Variants in EVI5 observed in about 807,000 individuals in gnomAD.
EVI5 encodes ecotropic viral integration site 5 protein homolog.
EVI5 carries 73 observed loss-of-function variants against 112.0 expected under a neutral mutation model. The ratio of observed to expected loss-of-function variants is 0.65; its 90% confidence interval spans 0.54 to 0.79. The LOEUF (loss-of-function observed/expected upper bound fraction) is 0.79, where lower values mean the gene tolerates loss of function less well. EVI5 is among the 30% of genes least tolerant of loss of function. EVI5 has a pLI of 0.00. For synonymous variants in EVI5, 305 were observed against 319.9 expected (o/e 0.95, Z 0.50); for missense variants, 900 against 968.8 (o/e 0.93, Z 0.94).
At chr1:92,685,048 A>T (rs777681335) in intron 9 of EVI5, among the ~76,000 whole-genome samples, 1 of 152,012 alleles carries the variant, frequency 6.6e-6, no homozygotes, top group Non-Finnish European at 1.5e-5. Flanking sequence ...CTCTGGACCA[A>T]GCAGACCTAC....
At chr1:92,752,657 G>A (rs1190621831) in intron 1 of EVI5, among the ~76,000 whole-genome samples, 1 of 152,036 alleles carries the variant, frequency 6.6e-6, no homozygotes, top group Non-Finnish European at 1.5e-5. Flanking sequence ...AGGGGCAGCG[G>A]TGCAGCACAG....
chr1:92,781,165 G>C (rs1250092313), intron 1 of EVI5, among the ~76,000 whole-genome samples: 1 of 151,836 alleles, frequency 6.6e-6, no homozygotes, highest in Non-Finnish European at 1.5e-5. Context: ...AGTGAATCTT[G>C]ACCCCTGCGA....
intron 18 of EVI5, among the ~76,000 whole-genome samples, chr1:92,598,115 C>A (rs1454692698): frequency 2.0e-5 from 3 of 151,998 alleles, no homozygotes; most frequent in Non-Finnish European, 4.4e-5. Context: ...GATCTTGAGA[C>A]CTTGTCTCCC....
intron 1 of EVI5, among the ~76,000 whole-genome samples, chr1:92,762,064 T>TA (rs576256365): frequency 6.6e-6 from 1 of 152,044 alleles, no homozygotes; most frequent in Non-Finnish European, 1.5e-5. Flanking sequence ...GTTGCAAAGA[T>TA]ACACAGAGCA....
intron 2 of EVI5, among the ~76,000 whole-genome samples, chr1:92,712,306 T>C (rs546689456): frequency 1.4e-4 from 21 of 152,248 alleles, no homozygotes; most frequent in Non-Finnish European, 2.5e-4. Context: ...GAAAGATACC[T>C]AAATGACAGG....
chr1:92,790,038 A>G (rs1262708822), upstream of EVI5, among the ~76,000 whole-genome samples: 2 of 152,188 alleles, frequency 1.3e-5, no homozygotes, highest in Non-Finnish European at 2.9e-5. Flanking sequence ...TAAGCCAGGC[A>G]TGGTGGCTCA....
In EVI5 at chr1:92,509,067, T is replaced by C. The variant is rs1023147626; in HGVS notation, c.*4589A>G. 2 of 152,240 alleles carry C rather than the reference T, an allele frequency of 1.3e-5. No homozygotes were observed. The highest frequency in any genetic ancestry group is 1.3e-4 in the Admixed American group (2 of 15,274). The allele number at this position is 152,240 out of a possible 1,614,324, so 9.4% of individuals were successfully genotyped here. On this transcript the variant is annotated 3_prime_UTR_variant, in exon 20 of 20. Coordinates refer to ENST00000684568, the MANE Select transcript of EVI5 (RefSeq NM_001350197.2). The stretch of plus-strand genomic sequence containing the variant: ...AGTAAATAACTGATTTCATGAAATG[T>C]TCGCTGTCAATGTCTGGTATGTTAA...
intron 1 of EVI5, among the ~76,000 whole-genome samples, chr1:92,765,411 A>C (rs35038369): frequency 0.2 from 30,642 of 150,850 alleles, 3,637 homozygotes; most frequent in Non-Finnish European, 0.26. Context: ...TATAGCTGCT[A>C]TTTATATTGA....
intron 15 of EVI5, 87 bp downstream of exon 15, chr1:92,625,707 T>C (rs1655518225): frequency 2.6e-6 from 3 of 1,147,768 alleles, no homozygotes; most frequent in Non-Finnish European, 3.9e-6. Flanking sequence ...TCATCTACTA[T>C]AGGTCATCAG....
rs532489179 is a variant in EVI5, at chr1:92,645,788, T to C, written c.1393-9452A>G. ...TCTAGTAAATGCTGATACTCCAAATTAATGTCTCTTATATCTAAATCCCCT... is the reference window on the plus strand; with the variant it reads ...TCTAGTAAATGCTGATACTCCAAATCAATGTCTCTTATATCTAAATCCCCT... On this transcript the variant is annotated intron_variant, in intron 13 of 19. Coordinates refer to ENST00000684568, the MANE Select transcript of EVI5 (RefSeq NM_001350197.2). 2.0e-5 allele frequency among the ~76,000 whole-genome samples: 3 copies of C among 152,320 alleles called. No individual in the cohort carries two copies. In the East Asian group the frequency reaches 5.8e-4, roughly 29 times the overall value.
chr1:92,745,140 T>C (rs1321323925), intron 1 of EVI5, among the ~76,000 whole-genome samples: 3 of 147,876 alleles, frequency 2.0e-5, no homozygotes, highest in East Asian at 4.0e-4. Flanking sequence ...GGTTTCACCA[T>C]GTTGCCCAGG....
intron 2 of EVI5, among the ~76,000 whole-genome samples, chr1:92,727,054 C>A (rs1399479471): frequency 6.6e-6 from 1 of 152,068 alleles, no homozygotes; most frequent in Admixed American, 6.6e-5. Context: ...ATGTAAATAA[C>A]CTATTTTCCT....
intron 19 of EVI5, 58 bp downstream of exon 19, chr1:92,563,559 AGTCTTATAACCAGTAATAAAGTGTT>A: frequency 1.6e-6 from 1 of 623,750 alleles, no homozygotes; most frequent in Non-Finnish European, 2.8e-6. Context: ...TGAAAGTGTC[AGTCTTATAACCAGTAATAAAGTGTT>A]GTTACAATAC....
At chr1:92,739,168 G>C (rs1346212833) in intron 1 of EVI5, among the ~76,000 whole-genome samples, 1 of 149,092 alleles carries the variant, frequency 6.7e-6, no homozygotes, top group Non-Finnish European at 1.5e-5. Context: ...AGCTACTCAG[G>C]AGTCTGAGGC....
Position 92,751,312 on chromosome 1 carries a change from T to C in EVI5, c.-81-14685A>G, listed in dbSNP as rs573599356. Among the ~76,000 whole-genome samples, 28 of 152,360 alleles carry C rather than the reference T, an allele frequency of 1.8e-4. No homozygotes were observed. In the Middle Eastern group the frequency reaches 0.017, roughly 93 times the overall value. On this transcript the variant is annotated intron_variant, in intron 1 of 19. Transcript: ENST00000684568. The stretch of plus-strand genomic sequence containing the variant: ...TTTTACTTTCCCTGGAGTTAATAAA[T>C]GTCTAATTGTTTAGCTTTATTTGTA...
intron 19 of EVI5, among the ~76,000 whole-genome samples, chr1:92,540,579 C>T (rs1165126093): frequency 1.3e-5 from 2 of 151,948 alleles, no homozygotes; most frequent in South Asian, 4.1e-4. Flanking sequence ...AGATACAGGC[C>T]CCTTATCAGG....
chr1:92,694,392 A>C lies in EVI5; in HGVS notation c.910-4T>G, dbSNP rs201316730. ...CACGAAACACTATTTCTAAACCCTG[A>C]GGAAACAAATTAAATAAATCCAAAT... On this transcript the variant is annotated splice_region_variant and splice_polypyrimidine_tract_variant and intron_variant, in intron 7 of 19. Coordinates refer to ENST00000684568, the MANE Select transcript of EVI5 (RefSeq NM_001350197.2). The C allele has an allele frequency of 3.2e-6, 5 of 1,551,000 alleles. No homozygotes were observed. Among genetic ancestry groups the C allele is most frequent in the Non-Finnish European group, 4.4e-6 (5 of 1,136,728 alleles).
intron 16 of EVI5, among the ~76,000 whole-genome samples, chr1:92,612,349 A>G (rs1652030154): frequency 6.6e-6 from 1 of 152,224 alleles, no homozygotes; most frequent in Non-Finnish European, 1.5e-5. Context: ...ATACATCATA[A>G]TCAGGACTTT....
At chr1:92,585,464 G>C (rs1672628337) in intron 18 of EVI5, among the ~76,000 whole-genome samples, 1 of 152,030 alleles carries the variant, frequency 6.6e-6, no homozygotes, top group South Asian at 2.1e-4. Flanking sequence ...ACTCTGTCCT[G>C]GGCAACAGAG....
Sources: gnomAD v4.1 joint callset for allele counts (sites outside exome capture counted in the v4.1 genomes callset) on GRCh38, gnomAD v4.1.1 for gene constraint, MANE v1.5 for transcripts, NCBI Gene and HGNC (gene_info 2026-07-23, HGNC 2026-07-21) for gene names.